ITGBL1: variants seen among roughly 807,000 people sequenced by gnomAD.
The protein encoded by ITGBL1 is integrin subunit beta like 1, also known as integrin beta-like protein 1.
In ITGBL1, 51 loss-of-function variants were observed where a neutral mutation model predicts 68.5. The ratio of observed to expected loss-of-function variants is 0.74; its 90% CI spans 0.59 to 0.94. The LOEUF (loss-of-function observed/expected upper bound fraction) is 0.94, where lower values mean the gene tolerates loss of function less well. Among genes scored for constraint, ITGBL1 ranks in the 40% least tolerant of loss-of-function variants. The pLI, the probability that ITGBL1 is intolerant of heterozygous loss-of-function variation, is 0.00. For missense variants in ITGBL1, 649 were observed against 647.4 expected (o/e 1.00, Z -0.03); for synonymous variants, 209 against 227.3 (o/e 0.92, Z 0.72).
chr13:101,604,887 T>TATGTATATATATATACACACACAC lies in ITGBL1; in HGVS notation c.1015+6589_1015+6590insTGTATATATATATACACACACACA. Reference sequence around the variant, plus strand: ...ATATATATATATATATATATATATATACACACACACACACATATATATGTG... The same window carrying TATGTATATATATATACACACACAC: ...ATATATATATATATATATATATATATATGTATATATATATACACACACACACACACACACACACATATATATGTG... On this transcript the variant is annotated intron_variant, in intron 7 of 10. Coordinates refer to ENST00000376180, the MANE Select transcript of ITGBL1 (RefSeq NM_004791.3). 1.8e-4 allele frequency among the ~76,000 whole-genome samples: 4 copies of TATGTATATATATATACACACACAC among 22,164 alleles called. 1 individual carries two copies. The highest frequency in any genetic ancestry group is 6.0e-4 in the African/African-American group (4 of 6,632). The allele number at this position is 22,164 out of a possible 152,430, so 14.5% of individuals were successfully genotyped here. A position where few individuals can be genotyped will look rare whatever the true frequency, so the allele number is the denominator to read the frequency against.
intron 7 of ITGBL1, among the ~76,000 whole-genome samples, chr13:101,606,012 A>G (rs1175618059): frequency 6.8e-6 from 1 of 146,358 alleles, no homozygotes; most frequent in Non-Finnish European, 1.5e-5. Context: ...ACACATATAT[A>G]TGTATATATG....
intron 2 of ITGBL1, among the ~76,000 whole-genome samples, chr13:101,488,473 A>T (rs2048730930): frequency 6.6e-6 from 1 of 152,190 alleles, no homozygotes; most frequent in Non-Finnish European, 1.5e-5. Flanking sequence ...TCAGGAATTG[A>T]CACTGGAAGA....
intron 7 of ITGBL1, among the ~76,000 whole-genome samples, chr13:101,629,752 A>G (rs2031910923): frequency 6.6e-6 from 1 of 152,188 alleles, no homozygotes; most frequent in African/African-American, 2.4e-5. Flanking sequence ...TCCGACTACT[A>G]TAGGAATTGA....
intron 2 of ITGBL1, among the ~76,000 whole-genome samples, chr13:101,549,972 A>G (rs540880348): frequency 6.6e-6 from 1 of 152,214 alleles, no homozygotes; most frequent in Non-Finnish European, 1.5e-5. Flanking sequence ...GTAAGGAAGA[A>G]TATTTATGAT....
chr13:101,526,232 T>C (rs2049376796), intron 2 of ITGBL1, among the ~76,000 whole-genome samples: 1 of 151,206 alleles, frequency 6.6e-6, no homozygotes, highest in Non-Finnish European at 1.5e-5. Context: ...GGTATACACA[T>C]GTCGTGGTGG....
chr13:101,678,568 C>T (rs966640427), intron 7 of ITGBL1, among the ~76,000 whole-genome samples: 7 of 149,502 alleles, frequency 4.7e-5, no homozygotes, highest in South Asian at 2.1e-4. Context: ...GGCACGATCT[C>T]GGCTCACTGC....
At chr13:101,524,146 A>G (rs890611392) in intron 2 of ITGBL1, among the ~76,000 whole-genome samples, 7 of 148,452 alleles carry the variant, frequency 4.7e-5, no homozygotes, top group Non-Finnish European at 8.9e-5. Context: ...TTTTTTTTTA[A>G]CTAGCTCTCC....
chr13:101,498,745 G>T (rs182129628), intron 2 of ITGBL1, among the ~76,000 whole-genome samples: 12 of 152,078 alleles, frequency 7.9e-5, no homozygotes, highest in Non-Finnish European at 1.8e-4. Context: ...ATGAACGGCC[G>T]CAGATGGGGA....
chr13:101,668,785 A>G (rs2033285641), intron 7 of ITGBL1, among the ~76,000 whole-genome samples: 1 of 152,204 alleles, frequency 6.6e-6, no homozygotes, highest in African/African-American at 2.4e-5. Flanking sequence ...ATTATTTCCA[A>G]ATAAGATAAA....
chr13:101,548,386 G>T (rs1402736992), intron 2 of ITGBL1, among the ~76,000 whole-genome samples: 2 of 151,730 alleles, frequency 1.3e-5, no homozygotes, highest in Non-Finnish European at 3.0e-5. Flanking sequence ...TTGAGAGATC[G>T]ATCTACTTTA....
chr13:101,704,009 G>C (rs890088070), intron 8 of ITGBL1, among the ~76,000 whole-genome samples: 2 of 152,174 alleles, frequency 1.3e-5, no homozygotes, highest in African/African-American at 4.8e-5. Flanking sequence ...GAGGGGAGGG[G>C]ACGGGAGAGA....
chr13:101,634,820 G>A (rs1004175935), intron 7 of ITGBL1, among the ~76,000 whole-genome samples: 3 of 151,946 alleles, frequency 2.0e-5, no homozygotes, highest in East Asian at 1.9e-4. Context: ...ATTTGCAAGG[G>A]GCAGGGATAG....
chr13:101,619,335 T>C (rs1047754026), intron 7 of ITGBL1, among the ~76,000 whole-genome samples: 7 of 151,622 alleles, frequency 4.6e-5, no homozygotes, highest in East Asian at 3.9e-4. Context: ...GTGTGCCCAA[T>C]ACAATCACAA....
intron 7 of ITGBL1, among the ~76,000 whole-genome samples, chr13:101,600,211 A>G (rs1407223750): frequency 6.6e-6 from 1 of 152,040 alleles, no homozygotes; most frequent in Non-Finnish European, 1.5e-5. Context: ...TGTGAATGGG[A>G]GTTCACTCAT....
intron 7 of ITGBL1, among the ~76,000 whole-genome samples, chr13:101,607,909 C>T (rs191512686): frequency 1.1e-3 from 168 of 152,174 alleles, no homozygotes; most frequent in African/African-American, 3.4e-3. Flanking sequence ...CTTTGATCAT[C>T]GTTTGTCCTT....
intron 2 of ITGBL1, among the ~76,000 whole-genome samples, chr13:101,457,380 T>A (rs981346620): frequency 6.6e-6 from 1 of 152,186 alleles, no homozygotes; most frequent in African/African-American, 2.4e-5. Flanking sequence ...GGCAGCTGTA[T>A]TAGATACACT....
At chr13:101,501,849 A>T (rs74790471) in intron 2 of ITGBL1, among the ~76,000 whole-genome samples, 149 of 152,312 alleles carry the variant, frequency 9.8e-4, no homozygotes, top group African/African-American at 3.2e-3. Context: ...CAGGTATAAC[A>T]TGTGCTCCCT....
At chr13:101,601,776 TTTGA>T (rs769321292) in intron 7 of ITGBL1, among the ~76,000 whole-genome samples, 7 of 152,186 alleles carry the variant, frequency 4.6e-5, no homozygotes, top group Non-Finnish European at 8.8e-5. Flanking sequence ...TGAGTTCTAG[TTTGA>T]TTGCACTGTG....
intron 2 of ITGBL1, among the ~76,000 whole-genome samples, chr13:101,555,786 AG>A (rs1375476288): frequency 1.3e-5 from 2 of 152,054 alleles, no homozygotes; most frequent in African/African-American, 4.8e-5. Flanking sequence ...ATCTGTTAGT[AG>A]GTTTGTCTGT....
Sources: gnomAD v4.1 joint callset for allele counts (sites outside exome capture counted in the v4.1 genomes callset) on GRCh38, gnomAD v4.1.1 for gene constraint, MANE v1.5 for transcripts, NCBI Gene and HGNC (gene_info 2026-07-23, HGNC 2026-07-21) for gene names.